The following GABRG2 variants were observed in gnomAD, a reference collection of about 807,000 sequenced individuals.
The protein encoded by GABRG2 is gamma-aminobutyric acid receptor subunit gamma-2.
Under a neutral mutation model 56.4 loss-of-function variants are expected in GABRG2, and 16 were observed. The ratio of observed to expected loss-of-function variants is 0.28; its 90% confidence interval spans 0.19 to 0.43. The LOEUF is 0.43. GABRG2 is among the 20% of genes least tolerant of loss of function. The probability of loss-of-function intolerance (pLI) is 1.00; values close to 1 mark genes in which losing one functional copy is unlikely to be tolerated. For missense variants in GABRG2, 327 were observed against 582.7 expected, an observed-to-expected ratio of 0.56 and a Z score of 4.52; for synonymous variants, 208 against 205.5, an observed-to-expected ratio of 1.01 and a Z score of -0.10.
intron 4 of GABRG2, chr5:162,099,634 T>C (rs1432988847): frequency 2.6e-5 from 4 of 152,168 alleles, no homozygotes; most frequent in Non-Finnish European, 4.4e-5. Context: ...CAGTCCAGCT[T>C]TTGAAATATG....
intron 6 of GABRG2, among the ~76,000 whole-genome samples, chr5:162,129,488 A>T (rs1763569545): frequency 6.6e-6 from 1 of 152,020 alleles, no homozygotes; most frequent in Non-Finnish European, 1.5e-5. Context: ...AAGTGAAAAA[A>T]AAAATGATAG....
intron 1 of GABRG2, 28 bp from the exon 2 acceptor site, chr5:162,093,800 G>C (rs1430826252): frequency 3.1e-6 from 5 of 1,608,094 alleles, no homozygotes; most frequent in Non-Finnish European, 4.3e-6. Flanking sequence ...TAATCTATGT[G>C]TTTTTTGACC....
intron 6 of GABRG2, among the ~76,000 whole-genome samples, chr5:162,131,714 G>C (rs1024578276): frequency 6.6e-6 from 1 of 151,920 alleles, no homozygotes; most frequent in Non-Finnish European, 1.5e-5. Context: ...CAATCCACAA[G>C]ATAGCATCCA....
chr5:162,071,719 A>G (rs192179807), intron 1 of GABRG2, among the ~76,000 whole-genome samples: 1 of 152,026 alleles, frequency 6.6e-6, no homozygotes, highest in African/African-American at 2.4e-5. Flanking sequence ...CTCTACAGAC[A>G]AGCTTGTCAT....
intron 1 of GABRG2, among the ~76,000 whole-genome samples, chr5:162,072,681 A>G (rs1758768191): frequency 6.6e-6 from 1 of 152,032 alleles, no homozygotes; most frequent in African/African-American, 2.4e-5. Context: ...TACACACTGA[A>G]TCAAATAATA....
At chr5:162,101,340 T>A in intron 5 of GABRG2, 23 bp downstream of exon 5, 1 of 1,446,242 alleles carries the variant, frequency 6.9e-7, no homozygotes, top group Non-Finnish European at 9.7e-7. Flanking sequence ...CCTTCTCCAT[T>A]TGTATCCTCC....
chr5:162,155,049 A>T lies in GABRG2; in HGVS notation c.*1681A>T, dbSNP rs1753766575. ...CTGTCATAATTAAATCATAGCTAGT[A>T]TAACTTTACAGATAACCTAAAAAGA... On this transcript the variant is annotated 3_prime_UTR_variant, in exon 10 of 10. Coordinates refer to ENST00000639213, the MANE Select transcript of GABRG2 (RefSeq NM_198904.4). The T allele has an allele frequency of 6.6e-6, 1 of 152,464 alleles. No individual in the cohort carries two copies. The highest frequency in any genetic ancestry group is 1.5e-5 in the Non-Finnish European group (1 of 68,024). 9.4% of individuals were successfully genotyped at this position (152,464 alleles called of 1,614,324 possible). A position where few individuals can be genotyped will look rare whatever the true frequency, so the allele number is the denominator to read the frequency against.
At chr5:162,114,217 A>G (rs1471030458) in intron 6 of GABRG2, among the ~76,000 whole-genome samples, 1 of 152,132 alleles carries the variant, frequency 6.6e-6, no homozygotes, top group Non-Finnish European at 1.5e-5. Flanking sequence ...GGGTAATACA[A>G]TCTCCAGTTT....
chr5:162,155,219 A>G lies in GABRG2; in HGVS notation c.*1851A>G, dbSNP rs1753778655. ...TGCTCCAGTATATAACCTCAAACAA[A>G]TGTAAATAGAACGAATTATTTTCTT... is the stretch of plus-strand genomic sequence containing the variant. On this transcript the variant is annotated 3_prime_UTR_variant, in exon 10 of 10. Transcript: ENST00000639213. The G allele has an allele frequency of 6.6e-6, 1 of 152,524 alleles. No homozygotes were observed. Among genetic ancestry groups the G allele is most frequent in the African/African-American group, 2.4e-5 (1 of 41,428 alleles). 9.4% of individuals were successfully genotyped at this position (152,524 alleles called of 1,614,324 possible).
At chr5:162,127,029 T>C (rs1381027162) in intron 6 of GABRG2, among the ~76,000 whole-genome samples, 1 of 151,914 alleles carries the variant, frequency 6.6e-6, no homozygotes, top group Non-Finnish European at 1.5e-5. Flanking sequence ...CCAGGCACCA[T>C]TACCTCTGCA....
chr5:162,153,983 T>C lies in GABRG2; in HGVS notation c.*615T>C, dbSNP rs1765553337. On this transcript the variant is annotated 3_prime_UTR_variant, in exon 10 of 10. Transcript: ENST00000639213. ...TAGATCCAAAATAAATGGACTGAAGTTATCATCCTATTGTCTTTTATTTTG... is the reference window on the plus strand; with the variant it reads ...TAGATCCAAAATAAATGGACTGAAGCTATCATCCTATTGTCTTTTATTTTG... 1.3e-5 allele frequency: 2 copies of C among 153,892 alleles called. No individual in the cohort carries two copies. Among genetic ancestry groups the C allele is most frequent in the African/African-American group, 4.8e-5 (2 of 41,436 alleles). The allele number at this position is 153,892 out of a possible 1,614,324, so 9.5% of individuals were successfully genotyped here. A position where few individuals can be genotyped will look rare whatever the true frequency, so the allele number is the denominator to read the frequency against.
rs1758356167 is a variant in GABRG2 at position 162,068,046 on chromosome 5, C to T, written c.47C>T (p.Thr16Ile). The T allele has an allele frequency of 1.2e-6, 2 of 1,612,996 alleles. No homozygotes were observed. The highest frequency in any genetic ancestry group is 1.1e-5 in the South Asian group (1 of 91,042). The change falls in exon 1 of 10, where the codon ACT (threonine) becomes ATT (isoleucine). Residue 16 changes from threonine (T) to isoleucine (I), a missense_variant. Physicochemically the swap from Thr to Ile is moderately conservative, Grantham distance 89. Around this residue, in one of 4 missense-constraint regions of GABRG2, gnomAD observed 73 missense variants for 72.2 expected, o/e 1.01. Transcript: ENST00000639213. Reference protein sequence around the residue: ...IWSTGSSVYSTPVFSQKMTVW... With the variant: ...IWSTGSSVYSIPVFSQKMTVW... Reference sequence around the variant, plus strand: ...AGCACAGGAAGCTCAGTCTACTCGACTCCTGTATTTTCACAGAAAATGACG... The same window carrying T: ...AGCACAGGAAGCTCAGTCTACTCGATTCCTGTATTTTCACAGAAAATGACG...
intron 6 of GABRG2, among the ~76,000 whole-genome samples, chr5:162,111,634 T>C (rs532795348): frequency 1.4e-4 from 22 of 152,264 alleles, no homozygotes; most frequent in African/African-American, 5.1e-4. Flanking sequence ...ATATACACAA[T>C]GGTATTTTAT....
At chr5:162,120,693 G>A (rs1160785326) in intron 6 of GABRG2, among the ~76,000 whole-genome samples, 1 of 152,056 alleles carries the variant, frequency 6.6e-6, no homozygotes, top group African/African-American at 2.4e-5. Flanking sequence ...TAGAAAATAA[G>A]TGTTCAATTT....
intron 6 of GABRG2, among the ~76,000 whole-genome samples, chr5:162,113,928 A>C (rs1762431738): frequency 6.6e-6 from 1 of 152,194 alleles, no homozygotes; most frequent in African/African-American, 2.4e-5. Context: ...CTAAATCTTA[A>C]AGACCAAGCC....
chr5:162,095,366 T>C (rs1760920850), intron 2 of GABRG2, 129 bp from the exon 3 acceptor site: 1 of 677,944 alleles, frequency 1.5e-6, no homozygotes, highest in Non-Finnish European at 2.7e-6. Context: ...AATTAGTAAC[T>C]GGTACCAAAT....
At position 162,154,706 on chromosome 5, in the gene GABRG2, C is replaced by T. The variant is rs1203015375; in HGVS notation, c.*1338C>T. 2 of 151,982 alleles carry T rather than the reference C, an allele frequency of 1.3e-5. No individual in the cohort carries two copies. The highest frequency in any genetic ancestry group is 4.8e-5 in the African/African-American group (2 of 41,366). 9.4% of individuals were successfully genotyped at this position (151,982 alleles called of 1,614,324 possible). A position where few individuals can be genotyped will look rare whatever the true frequency, so the allele number is the denominator to read the frequency against. ...TTTCCAGGTTTGGGGATGAGTCAGT[C>T]CTTGCCCATCCACAATTTTGTTTGT... On this transcript the variant is annotated 3_prime_UTR_variant, in exon 10 of 10. Coordinates refer to ENST00000639213, the MANE Select transcript of GABRG2 (RefSeq NM_198904.4).
At chr5:162,135,239 A>G (rs1344030332) in intron 6 of GABRG2, among the ~76,000 whole-genome samples, 1 of 151,968 alleles carries the variant, frequency 6.6e-6, no homozygotes, top group African/African-American at 2.4e-5. Context: ...TTTCTTGGCA[A>G]GCATTTAGGA....
chr5:162,075,590 C>G (rs925565100), intron 1 of GABRG2, among the ~76,000 whole-genome samples: 3 of 152,102 alleles, frequency 2.0e-5, no homozygotes, highest in Admixed American at 1.3e-4. Context: ...ACTCACCTTT[C>G]ATAGCATGCC....
Sources: gnomAD v4.1 joint callset for allele counts (sites outside exome capture counted in the v4.1 genomes callset) on GRCh38, gnomAD v4.1.1 for gene constraint, gnomAD v4.1.1 regional missense constraint, MANE v1.5 for transcripts, NCBI Gene and HGNC (gene_info 2026-07-23, HGNC 2026-07-21) for gene names.